Variants in DSCAM observed in about 807,000 individuals in gnomAD.
DSCAM encodes cell adhesion molecule DSCAM.
Under a neutral mutation model 217.7 loss-of-function variants are expected in DSCAM, and 47 were observed. The observed-to-expected ratio is 0.22, with a 90% CI of 0.17 to 0.28. The LOEUF is 0.28. Among genes scored for constraint, DSCAM ranks in the 10% least tolerant of loss-of-function variants. The pLI, the probability that DSCAM is intolerant of heterozygous loss-of-function variation, is 1.00. For missense variants in DSCAM, 2,080 were observed against 2,618.3 expected (o/e 0.79, Z 4.49); for synonymous variants, 1,056 against 1,015.3 (o/e 1.04, Z -0.76).
chr21:40,247,391 C>T (rs1362690030), intron 11 of DSCAM, among the ~76,000 whole-genome samples: 1 of 152,178 alleles, frequency 6.6e-6, no homozygotes, highest in African/African-American at 2.4e-5. Flanking sequence ...CCTGTGCAAT[C>T]AAAGCCTAGC....
chr21:40,568,574 C>T (rs891643369), intron 3 of DSCAM, among the ~76,000 whole-genome samples: 9 of 151,858 alleles, frequency 5.9e-5, no homozygotes, highest in Non-Finnish European at 1.0e-4. Context: ...TTTTCTTCCT[C>T]GGGGAATATA....
intron 3 of DSCAM, among the ~76,000 whole-genome samples, chr21:40,528,604 G>C (rs930785086): frequency 2.0e-5 from 3 of 152,100 alleles, no homozygotes; most frequent in Non-Finnish European, 4.4e-5. Context: ...CATACTGTTG[G>C]TAAATTTTGT....
At position 40,097,965 on chromosome 21, in the gene DSCAM, AGAAAGAAAG is replaced by A. The variant is rs1568939093; in HGVS notation, c.3697-4100_3697-4092del. ...CAAAAAAAAAAAAAAAAAGAAAGAA[AGAAAGAAAG>A]AAAGAAAGAAAGAAAGAAAGAAAGA... On this transcript the variant is annotated intron_variant, in intron 20 of 32. Coordinates refer to ENST00000400454, the MANE Select transcript of DSCAM (RefSeq NM_001389.5). Among the ~76,000 whole-genome samples, 231 of 57,976 alleles carry A rather than the reference AGAAAGAAAG, an allele frequency of 4.0e-3. 46 individuals carry two copies. Among genetic ancestry groups the A allele is most frequent in the East Asian group, 0.018 (25 of 1,376 alleles). 38.0% of individuals were successfully genotyped at this position (57,976 alleles called of 152,430 possible). A position where few individuals can be genotyped will look rare whatever the true frequency, so the allele number is the denominator to read the frequency against.
intron 3 of DSCAM, among the ~76,000 whole-genome samples, chr21:40,676,567 T>C (rs990472379): frequency 1.3e-5 from 2 of 152,218 alleles, no homozygotes; most frequent in Non-Finnish European, 1.5e-5. Context: ...TTTGTTTTGT[T>C]TTTTAATTTT....
chr21:40,106,191 A>T (rs1297960666), intron 20 of DSCAM, among the ~76,000 whole-genome samples: 2 of 152,162 alleles, frequency 1.3e-5, no homozygotes, highest in Non-Finnish European at 2.9e-5. Context: ...AGAACTCATG[A>T]GACTTATTCA....
chr21:40,637,156 T>A (rs11702791), intron 3 of DSCAM, among the ~76,000 whole-genome samples: 2,118 of 37,808 alleles, frequency 0.056, 209 homozygotes, highest in Admixed American at 0.063. Flanking sequence ...TATAAATATA[T>A]ATAAATATAA....
intron 3 of DSCAM, among the ~76,000 whole-genome samples, chr21:40,464,743 CTTTTTTTT>C (rs931964730): frequency 1.4e-5 from 2 of 141,248 alleles, no homozygotes; most frequent in Admixed American, 7.1e-5. Context: ...CCAGAACCAT[CTTTTTTTT>C]TTTTTTTTGA....
chr21:40,055,184 C>T (rs1159285826), intron 29 of DSCAM, among the ~76,000 whole-genome samples: 1 of 152,182 alleles, frequency 6.6e-6, no homozygotes, highest in Non-Finnish European at 1.5e-5. Context: ...GGTGTTTTTC[C>T]CAAAGTGCTG....
At chr21:40,084,081 A>T (rs2089500730) in intron 23 of DSCAM, 75 bp from the exon 24 acceptor site, 2 of 1,200,896 alleles carry the variant, frequency 1.7e-6, no homozygotes, top group Non-Finnish European at 2.3e-6. Flanking sequence ...GTCATTTACC[A>T]ACTCATTTTT....
At chr21:40,279,281 A>C (rs932200663) in intron 10 of DSCAM, among the ~76,000 whole-genome samples, 3 of 152,234 alleles carry the variant, frequency 2.0e-5, no homozygotes, top group Non-Finnish European at 4.4e-5. Context: ...AAAATGTACA[A>C]AATTCAGAAT....
chr21:40,057,914 T>C (rs1333133210), intron 28 of DSCAM, among the ~76,000 whole-genome samples: 1 of 146,152 alleles, frequency 6.8e-6, no homozygotes, highest in Non-Finnish European at 1.5e-5. Context: ...CTTGCTCTGT[T>C]GCCCAGGCTG....
In DSCAM at chr21:40,343,862, TTTTA is replaced by T. The variant is rs1394160927; in HGVS notation, c.1210+3804_1210+3807del. ...TTTATTATTATTTTATTTCATTTTA[TTTTA>T]TTTTTTATTTTATTATTTTATTTCA... On this transcript the variant is annotated intron_variant, in intron 6 of 32. Transcript: ENST00000400454. 2.7e-5 allele frequency among the ~76,000 whole-genome samples: 4 copies of T among 150,574 alleles called. 1 individual carries two copies. The highest frequency in any genetic ancestry group is 2.0e-4 in the Admixed American group (3 of 15,102).
At chr21:40,470,094 TAACCTCAATA>T (rs1296330107) in intron 3 of DSCAM, among the ~76,000 whole-genome samples, 1 of 152,264 alleles carries the variant, frequency 6.6e-6, no homozygotes. Context: ...CATCAATTTT[TAACCTCAATA>T]AACCACAATG....
chr21:40,730,027 A>T (rs1238110785), intron 1 of DSCAM, among the ~76,000 whole-genome samples: 1 of 152,216 alleles, frequency 6.6e-6, no homozygotes, highest in Non-Finnish European at 1.5e-5. Context: ...TTCTCAAGGC[A>T]ACTAGACATA....
At chr21:40,157,919 C>A (rs947965696) in intron 16 of DSCAM, among the ~76,000 whole-genome samples, 1 of 152,020 alleles carries the variant, frequency 6.6e-6, no homozygotes, top group African/African-American at 2.4e-5. Flanking sequence ...GTCTTAAACC[C>A]GTGGGCTCAA....
chr21:40,835,173 T>C (rs2092046783), intron 1 of DSCAM, among the ~76,000 whole-genome samples: 1 of 152,200 alleles, frequency 6.6e-6, no homozygotes, highest in African/African-American at 2.4e-5. Context: ...TGTTTCACCA[T>C]TTACAATTAC....
At chr21:40,829,260 T>G (rs757116916) in intron 1 of DSCAM, among the ~76,000 whole-genome samples, 2 of 152,108 alleles carry the variant, frequency 1.3e-5, no homozygotes, top group Admixed American at 6.5e-5. Context: ...TCTCAGTAAA[T>G]CATATGAGGT....
At chr21:40,517,960 G>T (rs915358435) in intron 3 of DSCAM, among the ~76,000 whole-genome samples, 2 of 151,978 alleles carry the variant, frequency 1.3e-5, no homozygotes, top group African/African-American at 4.8e-5. Context: ...ATGAGCTTTA[G>T]CCCAAATGCC....
At chr21:40,499,652 C>T (rs977719942) in intron 3 of DSCAM, among the ~76,000 whole-genome samples, 3 of 152,130 alleles carry the variant, frequency 2.0e-5, no homozygotes, top group African/African-American at 7.2e-5. Flanking sequence ...ATATCTAAGA[C>T]AGTTGGGTTA....
Sources: gnomAD v4.1 joint callset for allele counts (sites outside exome capture counted in the v4.1 genomes callset) on GRCh38, gnomAD v4.1.1 for gene constraint, MANE v1.5 for transcripts, NCBI Gene and HGNC (gene_info 2026-07-23, HGNC 2026-07-21) for gene names.